AVEN: variants seen among roughly 807,000 people sequenced by gnomAD.
AVEN encodes the protein cell death regulator Aven.
Under a neutral mutation model 38.1 loss-of-function variants are expected in AVEN, and 41 were observed. That is an observed-to-expected ratio of 1.08 (90% confidence interval 0.84 to 1.40). The LOEUF (loss-of-function observed/expected upper bound fraction) is 1.40. Among genes scored for constraint, AVEN ranks in the 40% most tolerant of loss-of-function variants. AVEN has a pLI of 0.00. For missense variants in AVEN, 605 were observed against 438.8 expected (o/e 1.38, Z -3.38); for synonymous variants, 206 against 171.8 (o/e 1.20, Z -1.56).
Position 34,017,497 on chromosome 15 carries a change from T to TTTTTTTG in AVEN, c.268-14289_268-14288insCAAAAAA, listed in dbSNP as rs1555516619. ...GATTTTTTTTTTGTTTTTTTTTTTT[T>TTTTTTTG]TTTGAGACAGGGTCTTGCTATGTCA... On this transcript the variant is annotated intron_variant, in intron 1 of 5. Coordinates refer to ENST00000306730, the MANE Select transcript of AVEN (RefSeq NM_020371.3). Among the ~76,000 whole-genome samples, 375 of 133,214 alleles carry TTTTTTTG rather than the reference T, an allele frequency of 2.8e-3. 1 individual carries two copies. The highest frequency in any genetic ancestry group is 4.5e-3 in the Non-Finnish European group (270 of 60,204). 87.4% of individuals were successfully genotyped at this position (133,214 alleles called of 152,430 possible). A position where few individuals can be genotyped will look rare whatever the true frequency, so the allele number is the denominator to read the frequency against.
At chr15:33,865,426 T>TGTCA, downstream of AVEN, 1 of 511,920 alleles carries the variant, frequency 2.0e-6, no homozygotes, top group Non-Finnish European at 3.5e-6. Flanking sequence ...GGAGAGAACC[T>TGTCA]GTCAAAATGT....
chr15:34,007,281 T>G (rs1346718633), intron 1 of AVEN, among the ~76,000 whole-genome samples: 1 of 152,110 alleles, frequency 6.6e-6, no homozygotes, highest in Non-Finnish European at 1.5e-5. Context: ...CTCTGCAGAA[T>G]GAAAATGAAA....
At chr15:34,007,266 A>C (rs1420496392) in intron 1 of AVEN, among the ~76,000 whole-genome samples, 1 of 152,198 alleles carries the variant, frequency 6.6e-6, no homozygotes, top group East Asian at 1.9e-4. Context: ...TTTTGACCTC[A>C]CCTGCTCTGC....
intron 5 of AVEN, among the ~76,000 whole-genome samples, chr15:34,055,007 A>G (rs552892377): frequency 1.3e-5 from 2 of 152,254 alleles, no homozygotes; most frequent in South Asian, 2.1e-4. Flanking sequence ...AGCCTGACCA[A>G]CATGGAGAAA....
At chr15:33,970,894 A>G (rs1331475710) in intron 2 of AVEN, among the ~76,000 whole-genome samples, 1 of 151,868 alleles carries the variant, frequency 6.6e-6, no homozygotes, top group Non-Finnish European at 1.5e-5. Context: ...ACCTTGCTCC[A>G]CCCCAATTTG....
Position 33,880,469 on chromosome 15 carries a change from G to C in AVEN, c.446-4474C>G, listed in dbSNP as rs137950903. On this transcript the variant is annotated intron_variant, in intron 2 of 5. Transcript: ENST00000306730. Reference sequence around the variant, plus strand: ...GGGCCAATGGATGAGGAAGAGTCTTGGAAAACCAAGGCTTTCAGGCGGGAC... The same window carrying C: ...GGGCCAATGGATGAGGAAGAGTCTTCGAAAACCAAGGCTTTCAGGCGGGAC... 2.1e-3 allele frequency among the ~76,000 whole-genome samples: 325 copies of C among 152,232 alleles called. 1 individual carries two copies. Among genetic ancestry groups the C allele is most frequent in the Non-Finnish European group, 3.7e-3 (249 of 68,018 alleles).
intron 2 of AVEN, among the ~76,000 whole-genome samples, chr15:33,967,198 A>G (rs1267238173): frequency 6.6e-6 from 1 of 152,134 alleles, no homozygotes; most frequent in African/African-American, 2.4e-5. Context: ...CTATAAAACT[A>G]AAATTCACTT....
intron 2 of AVEN, among the ~76,000 whole-genome samples, chr15:33,958,916 T>C (rs1476572056): frequency 6.6e-6 from 1 of 152,164 alleles, no homozygotes; most frequent in Non-Finnish European, 1.5e-5. Flanking sequence ...GCATAAAATC[T>C]TCACTCCATA....
chr15:34,003,282 A>G (rs1897211186), intron 1 of AVEN, 73 bp from the exon 2 acceptor site: 4 of 1,325,980 alleles, frequency 3.0e-6, no homozygotes, highest in Non-Finnish European at 3.2e-6. Context: ...CAGTAAAACA[A>G]AAAAGTACAT....
chr15:33,978,161 G>A (rs997248231), intron 2 of AVEN, among the ~76,000 whole-genome samples: 1 of 152,126 alleles, frequency 6.6e-6, no homozygotes, highest in African/African-American at 2.4e-5. Flanking sequence ...AGTACATGAA[G>A]AAAGAGGAAA....
downstream of AVEN, chr15:33,858,059 C>G: frequency 9.4e-7 from 1 of 1,064,820 alleles, no homozygotes; most frequent in Non-Finnish European, 1.3e-6. Flanking sequence ...AAGTAGAAGA[C>G]AGATGTCTTC....
At chr15:34,046,190 C>T (rs992906057) in intron 5 of AVEN, among the ~76,000 whole-genome samples, 2 of 152,084 alleles carry the variant, frequency 1.3e-5, no homozygotes, top group African/African-American at 4.8e-5. Flanking sequence ...AACATTCAGG[C>T]TGGAAACTCA....
At chr15:33,933,526 G>C (rs4041444) in intron 2 of AVEN, among the ~76,000 whole-genome samples, 3,901 of 36,560 alleles carry the variant, frequency 0.11, 56 homozygotes, top group African/African-American at 0.2. Context: ...CACACACACA[G>C]AGAGAGAGAG....
chr15:33,960,528 T>C (rs960136597), intron 2 of AVEN, among the ~76,000 whole-genome samples: 2 of 152,114 alleles, frequency 1.3e-5, no homozygotes, highest in Admixed American at 1.3e-4. Context: ...ACTACATTCA[T>C]CACTTAGCAC....
chr15:33,992,411 T>G (rs1896767921), intron 2 of AVEN, among the ~76,000 whole-genome samples: 1 of 150,876 alleles, frequency 6.6e-6, no homozygotes, highest in African/African-American at 2.4e-5. Context: ...AAAAAGAAAA[T>G]CAAATTAGGC....
chr15:33,908,119 T>C (rs1355234739), intron 2 of AVEN, among the ~76,000 whole-genome samples: 1 of 152,238 alleles, frequency 6.6e-6, no homozygotes, highest in Non-Finnish European at 1.5e-5. Context: ...TTTACGATTT[T>C]AGTCACTTCT....
chr15:33,904,421 T>C (rs1892602843), intron 2 of AVEN, among the ~76,000 whole-genome samples: 1 of 152,114 alleles, frequency 6.6e-6, no homozygotes, highest in African/African-American at 2.4e-5. Flanking sequence ...CTGTGTTTTG[T>C]TTTGTTTGAG....
In AVEN at chr15:34,063,249, G is replaced by A. The variant is rs1370704585; in HGVS notation, n.1310C>T. 1 of 1,614,066 alleles carries A rather than the reference G, an allele frequency of 6.2e-7. No individual in the cohort carries two copies. Among genetic ancestry groups the A allele is most frequent in the Non-Finnish European group, 8.5e-7 (1 of 1,180,046 alleles). On this transcript the variant is annotated non_coding_transcript_exon_variant, in exon 5 of 12. Transcript: ENST00000675287. The surrounding 1 kb of genome is among the most constrained non-coding windows in gnomAD (Gnocchi z 4.1). The stretch of plus-strand genomic sequence containing the variant: ...GCAGTACTTGGTTGGGAAGCGGACA[G>A]TTCCACTGGATGAGTGCCAGATCCA...
chr15:34,041,560 G>A (rs1899477827), upstream of AVEN, among the ~76,000 whole-genome samples: 1 of 152,152 alleles, frequency 6.6e-6, no homozygotes. Context: ...AGTGTTATTA[G>A]GGCACATTCA....
Sources: allele counts gnomAD v4.1 joint callset (sites outside exome capture counted in the v4.1 genomes callset), GRCh38; gene constraint gnomAD v4.1.1; non-coding constraint Gnocchi (gnomAD v3.1); transcripts MANE v1.5; gene names NCBI Gene and HGNC (gene_info 2026-07-23, HGNC 2026-07-21).